IL3RA: variants seen among roughly 807,000 people sequenced by gnomAD.
IL3RA encodes interleukin-3 receptor subunit alpha.
IL3RA carries 73 observed loss-of-function variants against 52.3 expected under a neutral mutation model. The ratio of observed to expected loss-of-function variants is 1.40; its 90% confidence interval spans 1.16 to 1.70. The LOEUF (loss-of-function observed/expected upper bound fraction) is 1.70, where lower values mean the gene tolerates loss of function less well. IL3RA is among the 40% of genes most tolerant of loss of function. The pLI, the probability that IL3RA is intolerant of heterozygous loss-of-function variation, is 0.00. For synonymous variants in IL3RA, 260 were observed against 194.0 expected, an observed-to-expected ratio of 1.34 and a Z score of -2.83; for missense variants, 664 against 504.4, an observed-to-expected ratio of 1.32 and a Z score of -3.03.
At chrX:1,381,161 G>T in intron 11 of IL3RA, 57 bp downstream of exon 11, 2 of 1,517,592 alleles carry the variant, frequency 1.3e-6, no homozygotes, top group South Asian at 1.1e-5. Flanking sequence ...CACTTTGGGA[G>T]GCCCAGGCGG....
intron 1 of IL3RA, among the ~76,000 whole-genome samples, chrX:1,339,897 G>C (rs1444386281): frequency 6.6e-6 from 1 of 152,110 alleles, no homozygotes; most frequent in African/African-American, 2.4e-5. Context: ...GAAAGTTCCA[G>C]TGCAGGAGGC....
intron 7 of IL3RA, among the ~76,000 whole-genome samples, chrX:1,358,143 CTTCT>C (rs2086882305): frequency 6.6e-6 from 1 of 151,850 alleles, no homozygotes; most frequent in African/African-American, 2.4e-5. Flanking sequence ...ACAGCACAGA[CTTCT>C]TTCTTTCACT....
At chrX:1,349,025 C>A (rs2085955359) in intron 4 of IL3RA, among the ~76,000 whole-genome samples, 2 of 147,100 alleles carry the variant, frequency 1.4e-5, no homozygotes, top group South Asian at 4.6e-4. Flanking sequence ...CCTCTCCTTT[C>A]CTGACACGGT....
At position 1,347,619 on chromosome X, in the gene IL3RA, T is replaced by C. The variant is rs765522489; in HGVS notation, c.184-812T>C. 2.7e-5 allele frequency among the ~76,000 whole-genome samples: 4 copies of C among 150,192 alleles called. No homozygotes were observed. The East Asian group carries it at 5.9e-4, about 22-fold the overall frequency. On this transcript the variant is annotated intron_variant, in intron 3 of 11. Coordinates refer to ENST00000331035, the MANE Select transcript of IL3RA (RefSeq NM_002183.4). ...GGGCAAGCGGAGTGAGGCCCTGTCT[T>C]AACAAAAAAACAAAGAAACAAAAAA...
chrX:1,358,974 T>G (rs2086948500), intron 8 of IL3RA, 87 bp downstream of exon 8: 1 of 884,498 alleles, frequency 1.1e-6, no homozygotes. Flanking sequence ...TAAAAAATAT[T>G]AATAATTCTT....
chrX:1,346,221 C>A (rs181376362), intron 3 of IL3RA, among the ~76,000 whole-genome samples: 72 of 151,962 alleles, frequency 4.7e-4, no homozygotes, highest in African/African-American at 1.7e-3. Flanking sequence ...GATGGATCAC[C>A]TGGGGCCAGG....
chrX:1,356,170 G>T (rs755836989), intron 6 of IL3RA, 51 bp from the exon 7 acceptor site: 8 of 1,139,720 alleles, frequency 7.0e-6, no homozygotes, highest in East Asian at 2.4e-5. Flanking sequence ...AAAAGAAAAA[G>T]AATTGATTTC....
Position 1,348,431 on chromosome X carries a change from G to A in IL3RA, c.184G>A (p.Ala62Thr). ...CVKDADYSMP[A>T]VNNSYCQFGA... The stretch of plus-strand genomic sequence containing the variant: ...CATCATAGTCCTATGTCTCTCTTAG[G>A]CAGTGAACAATAGCTATTGCCAGTT... Residue 62 changes from alanine to threonine, a missense_variant and splice_region_variant, in exon 4 of 12, where the codon GCA (alanine) becomes ACA (threonine). Coordinates refer to ENST00000331035, the MANE Select transcript of IL3RA (RefSeq NM_002183.4). 6.2e-7 allele frequency: 1 copy of A among 1,607,928 alleles called. No individual in the cohort carries two copies. The highest frequency in any genetic ancestry group is 2.2e-5 in the East Asian group (1 of 44,836).
At chrX:1,368,692 G>C (rs1436001902) in intron 9 of IL3RA, among the ~76,000 whole-genome samples, 10 of 151,982 alleles carry the variant, frequency 6.6e-5, no homozygotes, top group Admixed American at 5.9e-4. Context: ...CACACACAGA[G>C]GGACGACCCT....
At chrX:1,348,713 T>TC (rs1403515340) in intron 4 of IL3RA, among the ~76,000 whole-genome samples, 168 bp downstream of exon 4, 1 of 92,338 alleles carries the variant, frequency 1.1e-5, no homozygotes, top group African/African-American at 6.0e-5. Flanking sequence ...TCTGTTTCTG[T>TC]TTCTTTCTTC....
intron 1 of IL3RA, among the ~76,000 whole-genome samples, chrX:1,340,459 T>A (rs2085448203): frequency 1.3e-5 from 2 of 152,130 alleles, no homozygotes; most frequent in Non-Finnish European, 2.9e-5. Context: ...CACACACAGA[T>A]GCATGCACAT....
intron 3 of IL3RA, among the ~76,000 whole-genome samples, chrX:1,346,750 G>A (rs2085759892): frequency 6.6e-6 from 1 of 151,446 alleles, no homozygotes; most frequent in Non-Finnish European, 1.5e-5. Flanking sequence ...ACCTCATGGG[G>A]TGGCCCAGGT....
Position 1,339,761 on chromosome X carries a change from C to T in IL3RA, c.-38-1967C>T, listed in dbSNP as rs1303246341. On this transcript the variant is annotated intron_variant, in intron 1 of 11. Coordinates refer to ENST00000331035, the MANE Select transcript of IL3RA (RefSeq NM_002183.4). Reference sequence around the variant, plus strand: ...GAACCAAGATCGCGCCACTGCACTCCGGCCTGGACAACAAGAGTGAGACTC... The same window carrying T: ...GAACCAAGATCGCGCCACTGCACTCTGGCCTGGACAACAAGAGTGAGACTC... Among the ~76,000 whole-genome samples the T allele has an allele frequency of 5.3e-5, 8 of 152,066 alleles. No individual in the cohort carries two copies. In the East Asian group the frequency reaches 7.7e-4, roughly 15 times the overall value.
At chrX:1,338,265 A>G (rs189576989) in intron 1 of IL3RA, among the ~76,000 whole-genome samples, 68 of 151,812 alleles carry the variant, frequency 4.5e-4, no homozygotes, top group Non-Finnish European at 8.4e-4. Flanking sequence ...ATGGAAAAAT[A>G]TAATGTCCAT....
At chrX:1,343,894 C>G (rs1180794852) in intron 2 of IL3RA, among the ~76,000 whole-genome samples, 1 of 150,152 alleles carries the variant, frequency 6.7e-6, no homozygotes, top group Non-Finnish European at 1.5e-5. Flanking sequence ...CTCCCGAGTT[C>G]CAGTGATTCT....
In IL3RA at chrX:1,344,631, G is replaced by C. The variant is rs1470259050; in HGVS notation, c.65-685G>C. On this transcript the variant is annotated intron_variant, in intron 2 of 11. Coordinates refer to ENST00000331035, the MANE Select transcript of IL3RA (RefSeq NM_002183.4). ...CTAGTAAAAATACAAAAATTAGCCG[G>C]GCGTGGTGGTGGGCTCCTGTAATCC... Among the ~76,000 whole-genome samples the C allele has an allele frequency of 2.7e-5, 4 of 147,488 alleles. No homozygotes were observed. The Admixed American group carries it at 2.7e-4, about 10-fold the overall frequency.
intron 3 of IL3RA, 54 bp from the exon 4 acceptor site, chrX:1,348,377 C>T (rs1271331803): frequency 2.8e-5 from 38 of 1,356,248 alleles, no homozygotes; most frequent in Admixed American, 1.9e-4. Context: ...ACATCATTAG[C>T]GTCAAATTAA....
At chrX:1,362,130 GTC>G (rs370637030) in intron 8 of IL3RA, among the ~76,000 whole-genome samples, 58,544 of 149,034 alleles carry the variant, frequency 0.39, 11,578 homozygotes, top group South Asian at 0.54. Context: ...GTCTCTCTAT[GTC>G]TCTCTGTTTC....
intron 8 of IL3RA, among the ~76,000 whole-genome samples, chrX:1,362,407 C>T (rs1349270227): frequency 1.3e-5 from 2 of 151,110 alleles, no homozygotes; most frequent in Non-Finnish European, 2.9e-5. Flanking sequence ...GTTTTTCTTT[C>T]TTTTTCCCTC....
Sources: gnomAD v4.1 joint callset for allele counts (sites outside exome capture counted in the v4.1 genomes callset) on GRCh38, gnomAD v4.1.1 for gene constraint, MANE v1.5 for transcripts, NCBI Gene and HGNC (gene_info 2026-07-23, HGNC 2026-07-21) for gene names.